SNAP29: variants seen among roughly 807,000 people sequenced by gnomAD.
SNAP29 encodes synaptosome associated protein 29, also known as synaptosomal-associated protein 29.
SNAP29 carries 13 observed loss-of-function variants against 27.9 expected under a neutral mutation model. The observed-to-expected ratio is 0.47, with a 90% CI of 0.30 to 0.74. SNAP29 has a LOEUF of 0.74. SNAP29 is among the 30% of genes least tolerant of loss of function. SNAP29 has a pLI of 0.06. For missense variants in SNAP29, 368 were observed against 336.5 expected, an observed-to-expected ratio of 1.09 and a Z score of -0.73; for synonymous variants, 119 against 127.1, an observed-to-expected ratio of 0.94 and a Z score of 0.43.
chr22:20,879,851 TAAAAAAAAAAAAAAA>T (rs361542), intron 2 of SNAP29, among the ~76,000 whole-genome samples: 1 of 98,074 alleles, frequency 1.0e-5, no homozygotes, highest in Non-Finnish European at 2.1e-5. Context: ...TGAAAAAATT[TAAAAAAAAAAAAAAA>T]AAAAAAAAAG....
Position 20,890,593 on chromosome 22 carries a change from T to C in SNAP29, c.*2757T>C. ...TAACACGGTGAAACCCCATCTCTAC[T>C]AAAAACACACAAAAAATTAGCTGGG... On this transcript the variant is annotated 3_prime_UTR_variant, in exon 5 of 5. Coordinates refer to ENST00000215730, the MANE Select transcript of SNAP29 (RefSeq NM_004782.4). 3.4e-6 allele frequency: 1 copy of C among 291,726 alleles called. No individual in the cohort carries two copies. The highest frequency in any genetic ancestry group is 6.2e-6 in the Non-Finnish European group (1 of 160,320). 18.1% of individuals were successfully genotyped at this position (291,726 alleles called of 1,614,324 possible).
intron 2 of SNAP29, among the ~76,000 whole-genome samples, chr22:20,880,447 A>G (rs2085664034): frequency 6.6e-6 from 1 of 151,764 alleles, no homozygotes. Flanking sequence ...CAGAGGTTGC[A>G]GTGAGCCAAG....
intron 4 of SNAP29, 48 bp downstream of exon 4, chr22:20,883,617 C>T (rs1928943609): frequency 8.2e-7 from 1 of 1,220,162 alleles, no homozygotes. Flanking sequence ...GTCCTTCAGG[C>T]AGCTTACGCC....
intron 1 of SNAP29, among the ~76,000 whole-genome samples, chr22:20,860,393 G>A (rs1219246296): frequency 6.9e-6 from 1 of 145,016 alleles, no homozygotes; most frequent in African/African-American, 2.6e-5. Flanking sequence ...TTTTTGAGAT[G>A]GAATCTCGCT....
In SNAP29 at chr22:20,890,274, A is replaced by T. The variant is rs1929117932; in HGVS notation, c.*2438A>T. 1 of 398,466 alleles carries T rather than the reference A, an allele frequency of 2.5e-6. No individual in the cohort carries two copies. The highest frequency in any genetic ancestry group is 4.4e-6 in the Non-Finnish European group (1 of 226,068). 24.7% of individuals were successfully genotyped at this position (398,466 alleles called of 1,614,324 possible). A position where few individuals can be genotyped will look rare whatever the true frequency, so the allele number is the denominator to read the frequency against. ...ACATGATGATTGGGATCGACAAAAAAATGCTACCCTCTAGACTAGACACAT... is the reference window on the plus strand; with the variant it reads ...ACATGATGATTGGGATCGACAAAAATATGCTACCCTCTAGACTAGACACAT... On this transcript the variant is annotated 3_prime_UTR_variant, in exon 5 of 5. Coordinates refer to ENST00000215730, the MANE Select transcript of SNAP29 (RefSeq NM_004782.4).
At chr22:20,859,387 T>G in intron 1 of SNAP29, 40 bp downstream of exon 1, 2 of 1,356,540 alleles carry the variant, frequency 1.5e-6, no homozygotes, top group Non-Finnish European at 2.1e-6. Context: ...CGCCGGTCTC[T>G]GTGCTGTCAA....
At chr22:20,867,392 C>T (rs1021016326) in intron 1 of SNAP29, among the ~76,000 whole-genome samples, 6 of 152,178 alleles carry the variant, frequency 3.9e-5, no homozygotes, top group South Asian at 4.2e-4. Flanking sequence ...TTGGTGGTGG[C>T]TGGGGCACAG....
At chr22:20,884,614 T>C (rs1928970585) in intron 4 of SNAP29, among the ~76,000 whole-genome samples, 1 of 152,196 alleles carries the variant, frequency 6.6e-6, no homozygotes, top group Admixed American at 6.5e-5. Context: ...CCCTTGTGTT[T>C]CCAGGGGGCT....
intron 1 of SNAP29, among the ~76,000 whole-genome samples, chr22:20,859,918 G>A (rs1456808242): frequency 6.6e-6 from 1 of 152,158 alleles, no homozygotes; most frequent in Non-Finnish European, 1.5e-5. Flanking sequence ...GTTGACCAAA[G>A]CCTGGGTTTG....
intron 4 of SNAP29, among the ~76,000 whole-genome samples, chr22:20,886,921 C>G (rs1451651578): frequency 6.6e-6 from 1 of 151,904 alleles, no homozygotes; most frequent in African/African-American, 2.4e-5. Flanking sequence ...CCAAAACTAC[C>G]TTTTTAAAAA....
At position 20,870,338 on chromosome 22, in the gene SNAP29, A is replaced by C. The variant is rs767661704; in HGVS notation, c.239A>C (p.Glu80Ala). Residue 80 changes from glutamate (E) to alanine (A), a missense_variant and splice_region_variant, in exon 2 of 5, where the codon GAG becomes GCG. By Grantham distance (107) the Glu-to-Ala change is moderately radical (BLOSUM62 -1). Transcript: ENST00000215730. ...SEKVGVASSEELARQRGVLER... is the reference protein window; with the variant it reads ...SEKVGVASSEALARQRGVLER... ...GCCACTGCCTCTCGGTTTCCCCAGG[A>C]GCTCGCCCGTCAGCGAGGAGTCCTG... 4 of 1,614,000 alleles carry C rather than the reference A, an allele frequency of 2.5e-6. No homozygotes were observed. The East Asian group carries it at 8.9e-5, about 36-fold the overall frequency.
Position 20,859,289 on chromosome 22 carries a change from C to T in SNAP29, c.179C>T (p.Thr60Ile). Reference protein sequence around the residue: ...LRRAEATAASTSRSLALMYES... With the variant: ...LRRAEATAASISRSLALMYES... Reference sequence around the variant, plus strand: ...AGGGCTGAGGCCACGGCCGCCAGCACCAGCAGGTCCCTGGCCCTCATGTAC... The same window carrying T: ...AGGGCTGAGGCCACGGCCGCCAGCATCAGCAGGTCCCTGGCCCTCATGTAC... Residue 60 changes from threonine (T) to isoleucine (I), a missense_variant, in exon 1 of 5, where the codon ACC becomes ATC. Coordinates refer to ENST00000215730, the MANE Select transcript of SNAP29 (RefSeq NM_004782.4). 6.2e-7 allele frequency: 1 copy of T among 1,612,132 alleles called. No individual in the cohort carries two copies. Among genetic ancestry groups the T allele is most frequent in the Non-Finnish European group, 8.5e-7 (1 of 1,179,716 alleles).
intron 2 of SNAP29, among the ~76,000 whole-genome samples, chr22:20,879,603 T>A (rs1270045854): frequency 6.6e-6 from 1 of 151,820 alleles, no homozygotes; most frequent in African/African-American, 2.4e-5. Context: ...CCCAGAACTT[T>A]GGGAGGCTAA....
intron 1 of SNAP29, among the ~76,000 whole-genome samples, chr22:20,862,751 T>C (rs1231934082): frequency 6.6e-6 from 1 of 152,168 alleles, no homozygotes; most frequent in Non-Finnish European, 1.5e-5. Context: ...TGACAGGTGC[T>C]CTTGTCAGTG....
chr22:20,876,822 G>T (rs1434648163), intron 2 of SNAP29, among the ~76,000 whole-genome samples: 2 of 151,912 alleles, frequency 1.3e-5, no homozygotes, highest in Non-Finnish European at 1.5e-5. Context: ...TGCCCGCCTC[G>T]GCCTCAAAAG....
rs1052023587 is a variant in SNAP29 at position 20,887,935 on chromosome 22, T to G, written c.*99T>G. On this transcript the variant is annotated 3_prime_UTR_variant, in exon 5 of 5. Coordinates refer to ENST00000215730, the MANE Select transcript of SNAP29 (RefSeq NM_004782.4). Reference sequence around the variant, plus strand: ...TTTACTATTTTAGTATGTAAATTAATGTGTGTTTGCAAATGTTATAATAGA... The same window carrying G: ...TTTACTATTTTAGTATGTAAATTAAGGTGTGTTTGCAAATGTTATAATAGA... 5.9e-6 allele frequency: 7 copies of G among 1,188,808 alleles called. No homozygotes were observed. The highest frequency in any genetic ancestry group is 8.6e-6 in the Non-Finnish European group (7 of 814,958). The allele number at this position is 1,188,808 out of a possible 1,614,324, so 73.6% of individuals were successfully genotyped here. A position where few individuals can be genotyped will look rare whatever the true frequency, so the allele number is the denominator to read the frequency against.
chr22:20,884,149 A>G (rs1228786708), intron 4 of SNAP29, among the ~76,000 whole-genome samples: 2 of 152,116 alleles, frequency 1.3e-5, no homozygotes, highest in Admixed American at 6.5e-5. Context: ...CCTGACCAAC[A>G]TGGTGAAACC....
At chr22:20,880,811 A>G (rs1489110176) in intron 2 of SNAP29, among the ~76,000 whole-genome samples, 2 of 152,100 alleles carry the variant, frequency 1.3e-5, no homozygotes, top group Admixed American at 1.3e-4. Flanking sequence ...TACAGGCATG[A>G]GTCACCACAC....
chr22:20,880,980 G>T, intron 2 of SNAP29, 69 bp from the exon 3 acceptor site: 1 of 1,012,430 alleles, frequency 9.9e-7, no homozygotes, highest in Non-Finnish European at 1.6e-6. Flanking sequence ...TATGTGAAAA[G>T]ACTGATAACA....
Sources: allele counts gnomAD v4.1 joint callset (sites outside exome capture counted in the v4.1 genomes callset), GRCh38; gene constraint gnomAD v4.1.1; transcripts MANE v1.5; gene names NCBI Gene and HGNC (gene_info 2026-07-23, HGNC 2026-07-21).